Variants in NEK1 observed in about 807,000 individuals in gnomAD.
NEK1 encodes serine/threonine-protein kinase Nek1.
In NEK1, 137 loss-of-function variants were observed where a neutral mutation model predicts 182.1. The observed-to-expected ratio is 0.75, with a 90% CI of 0.65 to 0.87. NEK1 has a LOEUF of 0.87. Among genes scored for constraint, NEK1 ranks in the 40% least tolerant of loss-of-function variants. The pLI is 0.00. For missense variants in NEK1, 1,391 were observed against 1,494.4 expected, an observed-to-expected ratio of 0.93 and a Z score of 1.14; for synonymous variants, 513 against 492.2, an observed-to-expected ratio of 1.04 and a Z score of -0.56.
intron 31 of NEK1, among the ~76,000 whole-genome samples, chr4:169,421,143 T>C (rs1344461723): frequency 1.3e-5 from 2 of 152,156 alleles, no homozygotes; most frequent in African/African-American, 4.8e-5. Context: ...AAGGGGTTGA[T>C]TCATTAAGAA....
chr4:169,498,278 T>C (rs1400718740), intron 23 of NEK1, among the ~76,000 whole-genome samples: 2 of 152,188 alleles, frequency 1.3e-5, no homozygotes, highest in Admixed American at 1.3e-4. Flanking sequence ...TCCATCCCTT[T>C]ATTTTGAGCC....
At position 169,561,739 on chromosome 4, in the gene NEK1, T is replaced by C. The variant is rs771145072; in HGVS notation, c.1141-2A>G. ...TTCAGCCTTCATTAAACTAATAATC[T>C]GTAACAATTTTAAAGACAAGCTTCT... On this transcript the variant is annotated splice_acceptor_variant, in intron 14 of 35. Coordinates refer to ENST00000507142, the MANE Select transcript of NEK1 (RefSeq NM_001199397.3). LOFTEE classifies it high-confidence loss of function. The C allele has an allele frequency of 5.7e-6, 9 of 1,581,064 alleles. No homozygotes were observed. In the Admixed American group the frequency reaches 9.2e-5, roughly 16 times the overall value.
At chr4:169,556,827 T>C (rs1762234463) in intron 16 of NEK1, among the ~76,000 whole-genome samples, 2 of 150,900 alleles carry the variant, frequency 1.3e-5, no homozygotes, top group African/African-American at 4.9e-5. Context: ...TTGATAGCAA[T>C]GTAAGGAGAG....
intron 27 of NEK1, among the ~76,000 whole-genome samples, chr4:169,448,539 A>C (rs1407637941): frequency 2.0e-5 from 3 of 152,360 alleles, no homozygotes; most frequent in East Asian, 3.9e-4. Context: ...GAAGGAAGAG[A>C]AGTCCACAAA....
intron 27 of NEK1, among the ~76,000 whole-genome samples, chr4:169,453,989 C>T (rs1280432226): frequency 1.3e-5 from 2 of 152,132 alleles, no homozygotes; most frequent in East Asian, 3.9e-4. Flanking sequence ...GATACATAGA[C>T]CAATAGAACA....
intron 26 of NEK1, among the ~76,000 whole-genome samples, chr4:169,469,508 T>C (rs1036824825): frequency 1.3e-5 from 2 of 152,228 alleles, no homozygotes; most frequent in African/African-American, 4.8e-5. Flanking sequence ...TTCCATTCTT[T>C]TGCATTTGCT....
At chr4:169,522,784 C>T (rs780624317) in intron 19 of NEK1, among the ~76,000 whole-genome samples, 1 of 152,180 alleles carries the variant, frequency 6.6e-6, no homozygotes, top group Non-Finnish European at 1.5e-5. Flanking sequence ...TCATCAGGTC[C>T]CTGGTGTCAG....
Position 169,590,785 on chromosome 4 carries a change from A to AT in NEK1, c.336dup (p.Cys113MetfsTer9). 1.3e-6 allele frequency: 2 copies of AT among 1,598,282 alleles called. No individual in the cohort carries two copies. The highest frequency in any genetic ancestry group is 2.3e-5 in the South Asian group (2 of 88,118). On this transcript the variant is annotated frameshift_variant, in exon 6 of 36. Coordinates refer to ENST00000507142, the MANE Select transcript of NEK1 (RefSeq NM_001199397.3). LOFTEE classifies it high-confidence loss of function. ...TCATGTACATGTTTCAGGGCCAAAC[A>AT]TATCTGTACAAACCAGTCCAAAATC...
intron 23 of NEK1, among the ~76,000 whole-genome samples, chr4:169,502,545 A>T (rs1752585667): frequency 6.6e-6 from 1 of 152,056 alleles, no homozygotes; most frequent in Non-Finnish European, 1.5e-5. Flanking sequence ...TGATCAAGTG[A>T]GCCTTATTCC....
At chr4:169,405,066 G>A (rs1042048840) in intron 32 of NEK1, among the ~76,000 whole-genome samples, 1 of 152,218 alleles carries the variant, frequency 6.6e-6, no homozygotes, top group Non-Finnish European at 1.5e-5. Context: ...TAGATGTGGA[G>A]CTTTCTGGTC....
chr4:169,452,522 T>G lies in NEK1; in HGVS notation c.2587+10721A>C, dbSNP rs182194010. Among the ~76,000 whole-genome samples, 227 of 152,306 alleles carry G rather than the reference T, an allele frequency of 1.5e-3. 1 individual carries two copies. The highest frequency in any genetic ancestry group is 5.1e-3 in the African/African-American group (210 of 41,574). The stretch of plus-strand genomic sequence containing the variant: ...GTCTGGTTCAACGTACACAAATCAA[T>G]AAACGTAATCCATCACATAAACAGA... On this transcript the variant is annotated intron_variant, in intron 27 of 35. Transcript: ENST00000507142.
intron 19 of NEK1, among the ~76,000 whole-genome samples, chr4:169,529,500 T>G (rs1757369936): frequency 1.3e-5 from 2 of 152,042 alleles, no homozygotes; most frequent in South Asian, 4.1e-4. Context: ...AAATAAAAAA[T>G]CTTCATGATT....
chr4:169,570,737 G>C (rs921783207), intron 12 of NEK1, among the ~76,000 whole-genome samples: 11 of 152,214 alleles, frequency 7.2e-5, no homozygotes, highest in Admixed American at 1.3e-4. Context: ...GAATAGAAAG[G>C]GGGGAAAGGT....
intron 19 of NEK1, 73 bp downstream of exon 19, chr4:169,537,736 C>A (rs1758734738): frequency 8.9e-7 from 1 of 1,126,848 alleles, no homozygotes. Context: ...TTTTTACTTA[C>A]ACTTACCTTA....
At chr4:169,396,365 C>CAAAATAAAAAA (rs1730700051) in intron 35 of NEK1, among the ~76,000 whole-genome samples, 1 of 38,042 alleles carries the variant, frequency 2.6e-5, no homozygotes, top group Non-Finnish European at 4.5e-5. Context: ...GACTCCATCT[C>CAAAATAAAAAA]AAAAAAAAAA....
chr4:169,540,389 T>C (rs1759210549), intron 18 of NEK1, among the ~76,000 whole-genome samples: 1 of 152,136 alleles, frequency 6.6e-6, no homozygotes, highest in African/African-American at 2.4e-5. Context: ...AAAATCTGTG[T>C]CCTTATTTTT....
At chr4:169,498,075 T>G (rs1391131730) in intron 23 of NEK1, among the ~76,000 whole-genome samples, 1 of 152,238 alleles carries the variant, frequency 6.6e-6, no homozygotes, top group Non-Finnish European at 1.5e-5. Context: ...ACTTGCTTTA[T>G]GAATCTGGGT....
intron 5 of NEK1, among the ~76,000 whole-genome samples, chr4:169,592,132 C>A (rs959971097): frequency 6.6e-6 from 1 of 151,930 alleles, no homozygotes; most frequent in Non-Finnish European, 1.5e-5. Flanking sequence ...CTTTTTGTCA[C>A]AGGTGTTTGT....
intron 27 of NEK1, among the ~76,000 whole-genome samples, chr4:169,454,272 C>A (rs1287563492): frequency 6.6e-6 from 1 of 152,162 alleles, no homozygotes. Context: ...TAGGCATGGG[C>A]AAGGACTTCA....
Sources: allele counts gnomAD v4.1 joint callset (sites outside exome capture counted in the v4.1 genomes callset), GRCh38; gene constraint gnomAD v4.1.1; transcripts MANE v1.5; gene names NCBI Gene and HGNC (gene_info 2026-07-23, HGNC 2026-07-21).